ABI3BP: variants seen among roughly 807,000 people sequenced by gnomAD.
The protein encoded by ABI3BP is target of Nesh-SH3.
Under a neutral mutation model 268.6 loss-of-function variants are expected in ABI3BP, and 216 were observed. The ratio of observed to expected loss-of-function variants is 0.80; its 90% CI spans 0.72 to 0.90. The LOEUF is 0.90. ABI3BP is among the 40% of genes least tolerant of loss of function. ABI3BP has a pLI of 0.00. For missense variants in ABI3BP, 2,090 were observed against 2,182.4 expected (o/e 0.96, Z 0.84); for synonymous variants, 730 against 730.0 (o/e 1.00, Z 0.00).
chr3:100,914,498 T>A, intron 2 of ABI3BP: 1 of 453,770 alleles, frequency 2.2e-6, no homozygotes, highest in Non-Finnish European at 4.4e-6. Flanking sequence ...CTGCTGGGAT[T>A]CCAGAATGTT....
intron 21 of ABI3BP, 145 bp from the exon 22 acceptor site, chr3:100,841,003 T>A (rs554604735): frequency 1.5e-6 from 1 of 652,754 alleles, no homozygotes; most frequent in Non-Finnish European, 2.5e-6. Flanking sequence ...GCAAAGTTTC[T>A]TTTCTACTTC....
Position 100,792,779 on chromosome 3 carries a change from C to A in ABI3BP, c.3947-11G>T. 1 of 1,608,482 alleles carries A rather than the reference C, an allele frequency of 6.2e-7. No homozygotes were observed. Among genetic ancestry groups the A allele is most frequent in the African/African-American group, 1.3e-5 (1 of 74,802 alleles). On this transcript the variant is annotated splice_polypyrimidine_tract_variant and intron_variant, in intron 54 of 67. Coordinates refer to ENST00000471714, the MANE Select transcript of ABI3BP (RefSeq NM_001375547.2). ...ATTGGTCTGTTTCTTCTAGAGAAAA[C>A]ACAGTAAGATTGCTTGTTTTAAATA...
chr3:100,889,007 T>G (rs2043233606), intron 4 of ABI3BP, among the ~76,000 whole-genome samples: 1 of 152,084 alleles, frequency 6.6e-6, no homozygotes, highest in African/African-American at 2.4e-5. Context: ...CATTTAAAAA[T>G]TAGACTATAA....
At chr3:100,880,537 C>T (rs1168410818) in intron 6 of ABI3BP, among the ~76,000 whole-genome samples, 1 of 152,084 alleles carries the variant, frequency 6.6e-6, no homozygotes. Flanking sequence ...TGGTTAAGAT[C>T]GTTTATTTTT....
At chr3:100,897,065 CA>C (rs1260652853) in intron 4 of ABI3BP, among the ~76,000 whole-genome samples, 1 of 140,156 alleles carries the variant, frequency 7.1e-6, no homozygotes, top group Non-Finnish European at 1.5e-5. Flanking sequence ...TAAAACACTA[CA>C]AAAAACATAA....
At chr3:100,876,657 T>G in intron 6 of ABI3BP, 97 bp from the exon 7 acceptor site, 1 of 1,068,432 alleles carries the variant, frequency 9.4e-7, no homozygotes, top group Admixed American at 1.9e-5. Context: ...TTTCTTGTCT[T>G]CAATGAAGTC....
intron 45 of ABI3BP, among the ~76,000 whole-genome samples, chr3:100,812,883 A>T (rs1228615011): frequency 2.0e-5 from 3 of 152,124 alleles, no homozygotes; most frequent in African/African-American, 4.8e-5. Context: ...TAAAATTTGC[A>T]TCCATTTTTT....
At chr3:100,925,078 A>G (rs1212989769) in intron 2 of ABI3BP, among the ~76,000 whole-genome samples, 1 of 152,132 alleles carries the variant, frequency 6.6e-6, no homozygotes, top group African/African-American at 2.4e-5. Flanking sequence ...TTTTGGTAAC[A>G]AACTAGTAGG....
At chr3:100,795,577 T>C (rs2097322252) in intron 53 of ABI3BP, among the ~76,000 whole-genome samples, 1 of 152,022 alleles carries the variant, frequency 6.6e-6, no homozygotes, top group Non-Finnish European at 1.5e-5. Context: ...TGGAGATAGA[T>C]GAAGTAAATG....
intron 1 of ABI3BP, among the ~76,000 whole-genome samples, chr3:100,940,531 C>T (rs2068498478): frequency 6.6e-6 from 1 of 151,470 alleles, no homozygotes; most frequent in African/African-American, 2.4e-5. Flanking sequence ...AAAATAGTTG[C>T]TACTTACACA....
At chr3:100,820,160 C>G in intron 40 of ABI3BP, 60 bp downstream of exon 40, 2 of 1,378,962 alleles carry the variant, frequency 1.5e-6, no homozygotes, top group Non-Finnish European at 2.0e-6. Context: ...TCATTGGCAT[C>G]AGTTATAAAT....
intron 1 of ABI3BP, among the ~76,000 whole-genome samples, chr3:100,932,615 C>T (rs1422403762): frequency 1.3e-5 from 2 of 152,016 alleles, no homozygotes; most frequent in African/African-American, 4.8e-5. Flanking sequence ...CATCACTAAT[C>T]GTTACAGAAA....
chr3:100,759,427 G>A (rs1463823663), intron 63 of ABI3BP, among the ~76,000 whole-genome samples: 1 of 152,190 alleles, frequency 6.6e-6, no homozygotes, highest in African/African-American at 2.4e-5. Flanking sequence ...CAGATAAGGA[G>A]CAAGAGGGGA....
chr3:100,983,036 G>A lies in ABI3BP; in HGVS notation c.79+10270C>T, dbSNP rs139347790. On this transcript the variant is annotated intron_variant, in intron 1 of 67. Coordinates refer to ENST00000471714, the MANE Select transcript of ABI3BP (RefSeq NM_001375547.2). ...TTAGGTCTCACATGCCCACACACAC[G>A]TGCACAGTGGCCTCTCAGGAGGACC... Among the ~76,000 whole-genome samples the A allele has an allele frequency of 2.0e-4, 31 of 152,264 alleles. No homozygotes were observed. In the East Asian group the frequency reaches 3.9e-3, roughly 19 times the overall value.
At chr3:100,846,815 TA>T (rs150381416) in intron 19 of ABI3BP, among the ~76,000 whole-genome samples, 1,684 of 152,276 alleles carry the variant, frequency 0.011, 31 homozygotes, top group African/African-American at 0.038. Context: ...GTCTGAGCAC[TA>T]GGGGGAAAAA....
At chr3:100,818,118 A>G (rs1438613107) in intron 41 of ABI3BP, among the ~76,000 whole-genome samples, 1 of 152,220 alleles carries the variant, frequency 6.6e-6, no homozygotes, top group African/African-American at 2.4e-5. Context: ...CATTCCTTGA[A>G]ACAAAAAAAT....
intron 61 of ABI3BP, 59 bp downstream of exon 61, chr3:100,774,546 T>C (rs1037141145): frequency 6.6e-6 from 9 of 1,356,814 alleles, no homozygotes; most frequent in Non-Finnish European, 9.1e-6. Flanking sequence ...AATAACTGGC[T>C]GATACACCTA....
rs547417649 is a variant in ABI3BP at position 100,790,996 on chromosome 3, T to G, written c.4025-1480A>C. Reference sequence around the variant, plus strand: ...CATTTAAGTCTAGAAAGAATTTTTTTATAAAAGAGCTTAAATATAATTTAA... The same window carrying G: ...CATTTAAGTCTAGAAAGAATTTTTTGATAAAAGAGCTTAAATATAATTTAA... On this transcript the variant is annotated intron_variant, in intron 55 of 67. Transcript: ENST00000471714. Among the ~76,000 whole-genome samples the G allele has an allele frequency of 4.6e-5, 7 of 151,910 alleles. No homozygotes were observed. In the East Asian group the frequency reaches 1.3e-3, roughly 29 times the overall value.
intron 1 of ABI3BP, among the ~76,000 whole-genome samples, chr3:100,929,878 GT>G (rs904060588): frequency 1.8e-4 from 27 of 151,448 alleles, no homozygotes; most frequent in African/African-American, 5.6e-4. Context: ...GGTTAAGCAA[GT>G]TTTTTTTTCC....
Sources: allele counts gnomAD v4.1 joint callset (sites outside exome capture counted in the v4.1 genomes callset), GRCh38; gene constraint gnomAD v4.1.1; transcripts MANE v1.5; gene names NCBI Gene and HGNC (gene_info 2026-07-23, HGNC 2026-07-21).